Variants in ENTPD1 observed in about 807,000 individuals in gnomAD.
The protein encoded by ENTPD1 is ATP diphosphohydrolase.
A neutral mutation model predicts 57.0 loss-of-function variants in ENTPD1; 33 were observed. That is an observed-to-expected ratio of 0.58 (90% CI 0.44 to 0.77). The LOEUF (loss-of-function observed/expected upper bound fraction) is 0.77. Among genes scored for constraint, ENTPD1 ranks in the 30% least tolerant of loss-of-function variants. The probability of loss-of-function intolerance (pLI) is 0.00; values close to 1 mark genes in which losing one functional copy is unlikely to be tolerated. For missense variants in ENTPD1, 501 were observed against 603.4 expected (o/e 0.83, Z 1.78); for synonymous variants, 202 against 218.8 (o/e 0.92, Z 0.68).
chr10:95,754,907 T>C (rs189237658), upstream of ENTPD1: 1 of 152,350 alleles, frequency 6.6e-6, no homozygotes, highest in Non-Finnish European at 1.5e-5. Context: ...CCTTTGTCCT[T>C]ATTAAAGTAT....
chr10:95,824,368 A>G (rs2098365938), intron 2 of ENTPD1, among the ~76,000 whole-genome samples: 1 of 152,240 alleles, frequency 6.6e-6, no homozygotes, highest in African/African-American at 2.4e-5. Context: ...TGTGTATGCC[A>G]GGCCTCTGAA....
upstream of ENTPD1, among the ~76,000 whole-genome samples, chr10:95,708,068 T>TA: frequency 6.6e-6 from 1 of 152,276 alleles, no homozygotes; most frequent in South Asian, 2.1e-4. Context: ...AATGATGATA[T>TA]AAAAAAATGG....
At chr10:95,779,842 G>A (rs550112193) in intron 1 of ENTPD1, among the ~76,000 whole-genome samples, 173 of 152,146 alleles carry the variant, frequency 1.1e-3, no homozygotes, top group African/African-American at 4.0e-3. Context: ...CAATGTAAAT[G>A]GGGGCTTTTC....
At chr10:95,700,012 A>G in the ENTPD1 span, among the ~76,000 whole-genome samples, 5 of 152,360 alleles carry the variant, frequency 3.3e-5, no homozygotes, top group East Asian at 5.8e-4. Context: ...TCTATATGGT[A>G]TATGGAATAG....
chr10:95,722,443 A>T (rs1236770201), intron 1 of ENTPD1, among the ~76,000 whole-genome samples: 7 of 152,160 alleles, frequency 4.6e-5, no homozygotes, highest in Admixed American at 4.6e-4. Context: ...TGGCACATAT[A>T]CACCATGGAA....
intron 8 of ENTPD1, 77 bp from the exon 9 acceptor site, chr10:95,864,647 A>AG: frequency 6.3e-7 from 1 of 1,587,816 alleles, no homozygotes; most frequent in East Asian, 2.2e-5. Context: ...TCTCTTCATC[A>AG]GGGCTAGTAG....
intron 3 of ENTPD1, among the ~76,000 whole-genome samples, chr10:95,840,392 T>G (rs1416097188): frequency 6.6e-6 from 1 of 152,248 alleles, no homozygotes; most frequent in East Asian, 1.9e-4. Flanking sequence ...TAGGTGATGC[T>G]AATCTGTCTG....
At chr10:95,806,569 T>C (rs985650642) in intron 1 of ENTPD1, among the ~76,000 whole-genome samples, 2 of 152,224 alleles carry the variant, frequency 1.3e-5, no homozygotes, top group Non-Finnish European at 2.9e-5. Flanking sequence ...GAAGAGGTGC[T>C]CTGGTTTTTA....
chr10:95,739,026 A>G (rs575821513), intron 1 of ENTPD1, among the ~76,000 whole-genome samples: 1 of 152,228 alleles, frequency 6.6e-6, no homozygotes. Flanking sequence ...ATTATACATT[A>G]TATTATAGTC....
chr10:95,859,172 T>C (rs1235280747), intron 7 of ENTPD1, among the ~76,000 whole-genome samples: 1 of 152,184 alleles, frequency 6.6e-6, no homozygotes, highest in African/African-American at 2.4e-5. Flanking sequence ...AATGCAACTT[T>C]TAAGAAGCTG....
intron 1 of ENTPD1, among the ~76,000 whole-genome samples, chr10:95,734,774 C>T (rs536824126): frequency 1.2e-4 from 18 of 152,250 alleles, no homozygotes; most frequent in South Asian, 1.0e-3. Flanking sequence ...GCCCATCCTC[C>T]GGATTATAGA....
At chr10:95,756,083 C>A, upstream of ENTPD1, 2 of 1,513,660 alleles carry the variant, frequency 1.3e-6, no homozygotes, top group Non-Finnish European at 1.8e-6. Flanking sequence ...GAGGTTCCTT[C>A]CGAAACGGGG....
chr10:95,836,370 C>T (rs546479904), intron 2 of ENTPD1, among the ~76,000 whole-genome samples: 4 of 151,570 alleles, frequency 2.6e-5, no homozygotes, highest in South Asian at 4.2e-4. Flanking sequence ...TTGGGCAATA[C>T]GACGCATTCA....
chr10:95,821,952 T>C (rs978509142), intron 1 of ENTPD1, among the ~76,000 whole-genome samples: 5 of 151,922 alleles, frequency 3.3e-5, no homozygotes, highest in East Asian at 3.9e-4. Context: ...TCCTGTTCAC[T>C]TCCTCTATGC....
At chr10:95,842,218 T>C (rs1566223834) in intron 3 of ENTPD1, 126 bp from the exon 4 acceptor site, 2 of 835,390 alleles carry the variant, frequency 2.4e-6, no homozygotes, top group African/African-American at 1.7e-5. Flanking sequence ...AATAACCTAA[T>C]GTATAGTACA....
At chr10:95,806,391 T>A (rs2098272586) in intron 1 of ENTPD1, among the ~76,000 whole-genome samples, 1 of 152,196 alleles carries the variant, frequency 6.6e-6, no homozygotes, top group Non-Finnish European at 1.5e-5. Flanking sequence ...TAGCCATTTA[T>A]CTAACCTAAG....
At chr10:95,783,309 A>G (rs1272504440) in intron 1 of ENTPD1, among the ~76,000 whole-genome samples, 1 of 152,048 alleles carries the variant, frequency 6.6e-6, no homozygotes, top group Non-Finnish European at 1.5e-5. Flanking sequence ...AAGGTCATCC[A>G]CCCCAGAGTC....
At position 95,756,264 on chromosome 10, in the gene ENTPD1, A is replaced by C. The variant is rs2098023496; in HGVS notation, c.16+9A>C. 6.3e-7 allele frequency: 1 copy of C among 1,589,840 alleles called. No homozygotes were observed. The highest frequency in any genetic ancestry group is 8.6e-7 in the Non-Finnish European group (1 of 1,166,790). On this transcript the variant is annotated intron_variant, in intron 1 of 9. Coordinates refer to ENST00000371205, the MANE Select transcript of ENTPD1 (RefSeq NM_001776.6). ...TATGGAAGATACAAAGGGTAAGACCAAAATTGATTTGATCTGAATCCTTAA... is the reference window on the plus strand; with the variant it reads ...TATGGAAGATACAAAGGGTAAGACCCAAATTGATTTGATCTGAATCCTTAA...
rs952959684 is a variant in ENTPD1 at position 95,870,986 on chromosome 10, G to T, written c.*4603G>T. 5.1e-6 allele frequency: 5 copies of T among 985,302 alleles called. No homozygotes were observed. Among genetic ancestry groups the T allele is most frequent in the Non-Finnish European group, 6.0e-6 (5 of 829,936 alleles). 61.0% of individuals were successfully genotyped at this position (985,302 alleles called of 1,614,324 possible). On this transcript the variant is annotated 3_prime_UTR_variant, in exon 10 of 10. Transcript: ENST00000371205. ...TTCTCCTTGTCCAGTGGTTTCTAGG[G>T]ATATGTTCTCATGATGAACCCCGCA...
Sources: gnomAD v4.1 joint callset for allele counts (sites outside exome capture counted in the v4.1 genomes callset) on GRCh38, gnomAD v4.1.1 for gene constraint, MANE v1.5 for transcripts, NCBI Gene and HGNC (gene_info 2026-07-23, HGNC 2026-07-21) for gene names.